Variants in CACNB2 observed in about 807,000 individuals in gnomAD.
The protein encoded by CACNB2 is voltage-dependent L-type calcium channel subunit beta-2.
CACNB2 carries 42 observed loss-of-function variants against 73.3 expected under a neutral mutation model. The ratio of observed to expected loss-of-function variants is 0.57; its 90% CI spans 0.45 to 0.74. The LOEUF is 0.74. Ranked by LOEUF, CACNB2 falls within the 30% of genes least tolerant of loss-of-function variation. CACNB2 has a pLI of 0.00. For synonymous variants in CACNB2, 348 were observed against 310.3 expected (o/e 1.12, Z -1.28); for missense variants, 940 against 853.0 (o/e 1.10, Z -1.27).
rs368505003 is a variant in CACNB2 at position 18,498,363 on chromosome 10, C to T, written c.342C>T (p.Pro114=). ...QAQLEKAKTK[P]VAFAVRTNVS... ...TCCTTTTCCCACTTTAGACAAAGCC[C>T]GTTGCATTTGCGGTTCGGACAAATG... is the stretch of plus-strand genomic sequence containing the variant. Residue 114 remains proline, a synonymous_variant, in exon 4 of 14, where the codon CCC becomes CCT. Transcript: ENST00000324631. 3.3e-5 allele frequency: 53 copies of T among 1,613,934 alleles called. No individual in the cohort carries two copies. The highest frequency in any genetic ancestry group is 4.1e-5 in the Non-Finnish European group (48 of 1,179,998).
intron 2 of CACNB2, among the ~76,000 whole-genome samples, chr10:18,387,473 C>T (rs1474272034): frequency 6.6e-6 from 1 of 152,146 alleles, no homozygotes; most frequent in African/African-American, 2.4e-5. Context: ...ACAAAAAAAG[C>T]TCCCTGCCCT....
At chr10:18,175,812 G>C (rs1203869755) in intron 2 of CACNB2, among the ~76,000 whole-genome samples, 2 of 152,148 alleles carry the variant, frequency 1.3e-5, no homozygotes, top group Non-Finnish European at 2.9e-5. Flanking sequence ...TGGTCAGGCT[G>C]GTCTCAAACT....
At chr10:18,339,126 C>T (rs1010182004) in intron 2 of CACNB2, among the ~76,000 whole-genome samples, 16 of 152,032 alleles carry the variant, frequency 1.1e-4, no homozygotes, top group African/African-American at 3.9e-4. Flanking sequence ...GAGGGTATCC[C>T]TGGGTATGTA....
At chr10:18,289,042 C>G (rs2038933091) in intron 2 of CACNB2, among the ~76,000 whole-genome samples, 1 of 152,070 alleles carries the variant, frequency 6.6e-6, no homozygotes, top group South Asian at 2.1e-4. Context: ...AAGACTCCAT[C>G]TCAAAACAAA....
At chr10:18,252,759 T>A (rs2037138205) in intron 2 of CACNB2, among the ~76,000 whole-genome samples, 1 of 152,158 alleles carries the variant, frequency 6.6e-6, no homozygotes, top group African/African-American at 2.4e-5. Flanking sequence ...TTCCAATTGG[T>A]AAAATTTCAG....
intron 2 of CACNB2, among the ~76,000 whole-genome samples, chr10:18,335,296 A>G (rs565760255): frequency 6.6e-6 from 1 of 152,106 alleles, no homozygotes; most frequent in African/African-American, 2.4e-5. Flanking sequence ...TCACTTTCAC[A>G]GGGTGTGATG....
chr10:18,198,368 G>T (rs984148100), intron 2 of CACNB2, among the ~76,000 whole-genome samples: 2 of 151,898 alleles, frequency 1.3e-5, no homozygotes, highest in Non-Finnish European at 1.5e-5. Flanking sequence ...GGCACCTGGG[G>T]GTATATGTAA....
In CACNB2 at chr10:18,536,243, CTTTTTTTTTTTTTTT is replaced by C. The variant is rs904187820; in HGVS notation, c.1302+63_1302+77del. The C allele has an allele frequency of 5.3e-5, 15 of 283,214 alleles. 1 individual carries two copies. The highest frequency in any genetic ancestry group is 2.6e-4 in the African/African-American group (4 of 15,388). 17.5% of individuals were successfully genotyped at this position (283,214 alleles called of 1,614,324 possible). ...CATAATCCAGTTACAGAGATCAGAC[CTTTTTTTTTTTTTTT>C]TTTTTTTTTTTTTTTGGGGGACAAG... On this transcript the variant is annotated intron_variant, in intron 12 of 13. Coordinates refer to ENST00000324631, the MANE Select transcript of CACNB2 (RefSeq NM_201596.3).
At chr10:18,489,225 CA>C (rs1280462272) in intron 3 of CACNB2, among the ~76,000 whole-genome samples, 3 of 151,550 alleles carry the variant, frequency 2.0e-5, no homozygotes, top group Non-Finnish European at 4.4e-5. Flanking sequence ...TGTCAAGAAA[CA>C]AAAAATACAA....
chr10:18,334,872 G>A (rs901859800), intron 2 of CACNB2, among the ~76,000 whole-genome samples: 1 of 152,156 alleles, frequency 6.6e-6, no homozygotes, highest in Non-Finnish European at 1.5e-5. Flanking sequence ...ATCTTTTGAA[G>A]TCTTATCCTC....
chr10:18,534,530 G>A (rs2053371879), intron 11 of CACNB2, among the ~76,000 whole-genome samples: 1 of 152,106 alleles, frequency 6.6e-6, no homozygotes, highest in African/African-American at 2.4e-5. Flanking sequence ...TATTTGCATG[G>A]CTGATGCAAA....
chr10:18,496,543 T>G (rs2049827224), intron 3 of CACNB2, among the ~76,000 whole-genome samples: 1 of 152,146 alleles, frequency 6.6e-6, no homozygotes. Context: ...CCGGACGCGG[T>G]GGCTCATGCC....
chr10:18,404,903 A>G (rs1213066901), intron 3 of CACNB2, among the ~76,000 whole-genome samples: 4 of 152,226 alleles, frequency 2.6e-5, no homozygotes, highest in Non-Finnish European at 5.9e-5. Flanking sequence ...AACAGATTAG[A>G]TGTTAATTTT....
intron 3 of CACNB2, among the ~76,000 whole-genome samples, chr10:18,438,521 G>T (rs922995798): frequency 6.6e-6 from 1 of 152,112 alleles, no homozygotes; most frequent in African/African-American, 2.4e-5. Context: ...GCAGCCTCGC[G>T]GTCCCTCACC....
chr10:18,202,118 G>A (rs1015087244), intron 2 of CACNB2, among the ~76,000 whole-genome samples: 3 of 152,198 alleles, frequency 2.0e-5, no homozygotes. Context: ...AGAGGGAAGA[G>A]TACATGCTTT....
chr10:18,274,253 C>T (rs558934163), intron 2 of CACNB2, among the ~76,000 whole-genome samples: 402 of 152,206 alleles, frequency 2.6e-3, no homozygotes, highest in Non-Finnish European at 5.0e-3. Context: ...AGAGAAGGCA[C>T]CTGCAGTGGA....
intron 2 of CACNB2, among the ~76,000 whole-genome samples, chr10:18,164,606 A>G (rs1588591758): frequency 6.6e-6 from 1 of 152,128 alleles, no homozygotes; most frequent in Middle Eastern, 3.4e-3. Flanking sequence ...TACAAGAAGC[A>G]TGAACATCCT....
chr10:18,206,321 T>C (rs937677395), intron 2 of CACNB2: 4 of 152,382 alleles, frequency 2.6e-5, no homozygotes, highest in Admixed American at 6.5e-5. Flanking sequence ...TAGAGACACA[T>C]AGCTGTATCT....
intron 2 of CACNB2, among the ~76,000 whole-genome samples, chr10:18,358,525 TC>T: frequency 2.6e-5 from 1 of 38,798 alleles, no homozygotes; most frequent in Non-Finnish European, 6.9e-5. Flanking sequence ...TCTCTCTCTC[TC>T]TCTCTCTCTC....
Sources: allele counts gnomAD v4.1 joint callset (sites outside exome capture counted in the v4.1 genomes callset), GRCh38; gene constraint gnomAD v4.1.1; transcripts MANE v1.5; gene names NCBI Gene and HGNC (gene_info 2026-07-23, HGNC 2026-07-21).